Variants in VIPR2 observed in about 807,000 individuals in gnomAD.
VIPR2 encodes the protein vasoactive intestinal polypeptide receptor 2.
VIPR2 carries 48 observed loss-of-function variants against 58.0 expected under a neutral mutation model. The ratio of observed to expected loss-of-function variants is 0.83; its 90% CI spans 0.66 to 1.05. The LOEUF (loss-of-function observed/expected upper bound fraction) is 1.05. Among genes scored for constraint, VIPR2 ranks in the 50% least tolerant of loss-of-function variants. VIPR2 has a pLI of 0.00. For missense variants in VIPR2, 534 were observed against 558.0 expected, an observed-to-expected ratio of 0.96 and a Z score of 0.43; for synonymous variants, 243 against 235.2, an observed-to-expected ratio of 1.03 and a Z score of -0.30.
chr7:159,077,176 TTA>T (rs747741718), intron 4 of VIPR2, among the ~76,000 whole-genome samples: 23 of 152,248 alleles, frequency 1.5e-4, no homozygotes, highest in Admixed American at 8.5e-4. Flanking sequence ...CTTAGTATGA[TTA>T]TCTTTGGTAG....
chr7:159,124,894 G>A (rs1018558559), intron 2 of VIPR2, among the ~76,000 whole-genome samples: 1 of 152,062 alleles, frequency 6.6e-6, no homozygotes, highest in Non-Finnish European at 1.5e-5. Context: ...TCTTTTTGTG[G>A]CAATTGTGAA....
Position 159,118,959 on chromosome 7 carries a change from T to C in VIPR2, c.152-9040A>G, listed in dbSNP as rs187524764. On this transcript the variant is annotated intron_variant, in intron 2 of 12. Transcript: ENST00000262178. ...CACACCTTCAGAGGAAAATTCGCTA[T>C]AATTTCCTTCAGAGGAAACTGCTAT... Among the ~76,000 whole-genome samples, 339 of 152,362 alleles carry C rather than the reference T, an allele frequency of 2.2e-3. 8 individuals carry two copies. Among genetic ancestry groups the C allele is most frequent in the Non-Finnish European group, 2.8e-4 (19 of 68,036 alleles).
chr7:159,058,398 A>C, intron 5 of VIPR2, 83 bp downstream of exon 5: 2 of 1,157,400 alleles, frequency 1.7e-6, no homozygotes, highest in Non-Finnish European at 2.6e-6. Context: ...AGAGGGCTCC[A>C]GGCTGGGTGG....
chr7:159,031,710 G>A lies in VIPR2; in HGVS notation c.1143+118C>T, dbSNP rs1853596634. Reference sequence around the variant, plus strand: ...GGGGACACAGAACTGTGGGGTCCCGGGCAGTAACTCGAGCCCGCGGAAGAC... The same window carrying A: ...GGGGACACAGAACTGTGGGGTCCCGAGCAGTAACTCGAGCCCGCGGAAGAC... On this transcript the variant is annotated intron_variant, in intron 12 of 12. Transcript: ENST00000262178. This position sits in a 1 kb window ranked among gnomAD's most constrained non-coding sequence, Gnocchi z 4.0. The A allele has an allele frequency of 1.3e-6, 2 of 1,572,918 alleles. No homozygotes were observed. The highest frequency in any genetic ancestry group is 2.7e-5 in the African/African-American group (2 of 74,558).
At chr7:159,044,746 G>A (rs943063611) in intron 5 of VIPR2, among the ~76,000 whole-genome samples, 1 of 151,586 alleles carries the variant, frequency 6.6e-6, no homozygotes, top group Non-Finnish European at 1.5e-5. Context: ...TGAACTAAAA[G>A]ATTCACTGGG....
chr7:159,141,962 C>T (rs981656818), intron 2 of VIPR2, among the ~76,000 whole-genome samples: 7 of 152,188 alleles, frequency 4.6e-5, no homozygotes, highest in Non-Finnish European at 1.0e-4. Flanking sequence ...CCGGAGAAGG[C>T]GATCTGCACG....
At chr7:159,140,680 C>T (rs746190411) in intron 2 of VIPR2, among the ~76,000 whole-genome samples, 3 of 152,224 alleles carry the variant, frequency 2.0e-5, no homozygotes, top group Non-Finnish European at 4.4e-5. Flanking sequence ...ACGCTGCCTG[C>T]GAGGGGCTCT....
At chr7:159,094,164 C>T (rs1857682625) in intron 4 of VIPR2, among the ~76,000 whole-genome samples, 2 of 152,198 alleles carry the variant, frequency 1.3e-5, no homozygotes, top group African/African-American at 4.8e-5. Flanking sequence ...CTGCTCCATC[C>T]CCATGGGAGC....
At position 159,058,727 on chromosome 7, in the gene VIPR2, C is replaced by G. The variant is rs1263638255; in HGVS notation, c.358-149G>C. On this transcript the variant is annotated intron_variant, in intron 4 of 12. Coordinates refer to ENST00000262178, the MANE Select transcript of VIPR2 (RefSeq NM_003382.5). ...AGATAGTCTCGCTTTATAATTCCAC[C>G]TCCATTTTGAACCAAAAAATGACAC... 4.8e-6 allele frequency: 3 copies of G among 620,216 alleles called. No homozygotes were observed. The East Asian group carries it at 8.4e-5, about 17-fold the overall frequency. The allele number at this position is 620,216 out of a possible 1,614,324, so 38.4% of individuals were successfully genotyped here. A position where few individuals can be genotyped will look rare whatever the true frequency, so the allele number is the denominator to read the frequency against.
intron 4 of VIPR2, among the ~76,000 whole-genome samples, chr7:159,062,382 G>T (rs1280104115): frequency 6.6e-6 from 1 of 152,180 alleles, no homozygotes; most frequent in Admixed American, 6.5e-5. Context: ...GTTCTTAAAG[G>T]TAATGTGTCC....
At chr7:159,041,157 GAGTGTTCACCC>G (rs1479142846) in intron 6 of VIPR2, among the ~76,000 whole-genome samples, 1 of 152,210 alleles carries the variant, frequency 6.6e-6, no homozygotes, top group Non-Finnish European at 1.5e-5. Context: ...GAAGGCGAAT[GAGTGTTCACCC>G]AGTGTCCACA....
chr7:159,058,785 A>C (rs747266641), intron 4 of VIPR2, among the ~76,000 whole-genome samples: 2 of 152,216 alleles, frequency 1.3e-5, no homozygotes, highest in Non-Finnish European at 2.9e-5. Context: ...TTTTCTTATA[A>C]TTCATCATGA....
intron 5 of VIPR2, among the ~76,000 whole-genome samples, chr7:159,049,552 G>T (rs1302417286): frequency 6.6e-6 from 1 of 152,214 alleles, no homozygotes; most frequent in Non-Finnish European, 1.5e-5. Flanking sequence ...AGCAGAAACG[G>T]GAGATAAGGG....
intron 2 of VIPR2, among the ~76,000 whole-genome samples, chr7:159,112,658 G>A (rs554604323): frequency 5.9e-4 from 82 of 138,356 alleles, no homozygotes; most frequent in African/African-American, 2.3e-3. Context: ...CCGGCCGAGA[G>A]CCCCGACTGT....
At chr7:159,058,127 C>T (rs73169224) in intron 5 of VIPR2, among the ~76,000 whole-genome samples, 12,429 of 152,246 alleles carry the variant, frequency 0.082, 671 homozygotes, top group Non-Finnish European at 0.12. Context: ...TTAAACACGT[C>T]GTAGCATCTC....
At chr7:159,101,192 ACGGGTCT>A (rs1858202977) in intron 4 of VIPR2, among the ~76,000 whole-genome samples, 1 of 139,286 alleles carries the variant, frequency 7.2e-6, no homozygotes, top group Non-Finnish European at 1.5e-5. Context: ...GTGATAGTGA[ACGGGTCT>A]CACGAGATCC....
At chr7:159,035,095 A>G (rs1853845903) in intron 8 of VIPR2, among the ~76,000 whole-genome samples, 1 of 152,194 alleles carries the variant, frequency 6.6e-6, no homozygotes, top group Non-Finnish European at 1.5e-5. Context: ...TTTGATTTTC[A>G]GCGCATGGGG....
chr7:159,073,426 T>G (rs1051463825), intron 4 of VIPR2, among the ~76,000 whole-genome samples: 4 of 152,198 alleles, frequency 2.6e-5, no homozygotes, highest in African/African-American at 7.2e-5. Flanking sequence ...TTTATTTATT[T>G]ATTGATTGGA....
chr7:159,131,847 G>A (rs1261138184), intron 2 of VIPR2, among the ~76,000 whole-genome samples: 1 of 152,194 alleles, frequency 6.6e-6, no homozygotes, highest in African/African-American at 2.4e-5. Flanking sequence ...AACCTTGACT[G>A]ATTTGCAGAC....
Sources: allele counts gnomAD v4.1 joint callset (sites outside exome capture counted in the v4.1 genomes callset), GRCh38; gene constraint gnomAD v4.1.1; non-coding constraint Gnocchi (gnomAD v3.1); transcripts MANE v1.5; gene names NCBI Gene and HGNC (gene_info 2026-07-23, HGNC 2026-07-21).